The following GSE1 variants were observed in gnomAD, a reference collection of about 807,000 sequenced individuals.
The protein encoded by GSE1 is Gse1 coiled-coil protein.
GSE1 carries 32 observed loss-of-function variants against 112.6 expected under a neutral mutation model. That is an observed-to-expected ratio of 0.28 (90% confidence interval 0.21 to 0.38). The LOEUF (loss-of-function observed/expected upper bound fraction) is 0.38, where lower values mean the gene tolerates loss of function less well. GSE1 is among the 10% of genes least tolerant of loss of function. The probability of loss-of-function intolerance (pLI) is 1.00; values close to 1 mark genes in which losing one functional copy is unlikely to be tolerated. For missense variants in GSE1, 2,348 were observed against 1,699.2 expected (o/e 1.38, Z -6.71); for synonymous variants, 1,115 against 735.6 (o/e 1.52, Z -8.35).
At chr16:85,509,143 C>A (rs796528798) in intron 2 of GSE1, among the ~76,000 whole-genome samples, 1 of 152,132 alleles carries the variant, frequency 6.6e-6, no homozygotes, top group Non-Finnish European at 1.5e-5. Flanking sequence ...CCGGGCAGAG[C>A]GGGGTTATCG....
intron 1 of GSE1, among the ~76,000 whole-genome samples, chr16:85,213,968 GAAA>G (rs1449879517): frequency 6.6e-6 from 1 of 152,216 alleles, no homozygotes; most frequent in Non-Finnish European, 1.5e-5. Context: ...ATGAGACAGA[GAAA>G]AAGAGAGAGG....
intron 2 of GSE1, among the ~76,000 whole-genome samples, chr16:85,525,731 C>T (rs148821213): frequency 5.9e-4 from 90 of 152,322 alleles, no homozygotes; most frequent in African/African-American, 2.1e-3. Context: ...GGCTCAAATC[C>T]TATCTCCACA....
intron 1 of GSE1, among the ~76,000 whole-genome samples, chr16:85,584,915 C>T (rs1384357650): frequency 6.6e-6 from 1 of 152,044 alleles, no homozygotes; most frequent in Non-Finnish European, 1.5e-5. Flanking sequence ...CCAGCCCCAT[C>T]CACAACCTCC....
intron 2 of GSE1, among the ~76,000 whole-genome samples, chr16:85,400,553 T>C (rs58499086): frequency 0.38 from 57,795 of 151,278 alleles, 11,505 homozygotes; most frequent in East Asian, 0.63. Context: ...TGTGTGTGTG[T>C]TGCGTGTGGT....
chr16:85,348,947 A>AC (rs2046798246), intron 1 of GSE1, among the ~76,000 whole-genome samples: 4 of 150,788 alleles, frequency 2.7e-5, no homozygotes, highest in Admixed American at 1.3e-4. Context: ...GAGACAGCCA[A>AC]CCCCCACCGC....
Position 85,495,007 on chromosome 16 carries a change from G to A in GSE1, c.2464+137364G>A, listed in dbSNP as rs555607937. On this transcript the variant is annotated intron_variant, in intron 2 of 2. Transcript: ENST00000637419. ...CCACTGGGCACAGGGGCAGAGCCCT[G>A]CTGGGTCCGGCCCGGCCCAGGAGTT... Among the ~76,000 whole-genome samples, 339 of 152,300 alleles carry A rather than the reference G, an allele frequency of 2.2e-3. 1 individual carries two copies. The highest frequency in any genetic ancestry group is 7.6e-3 in the African/African-American group (316 of 41,572).
intron 1 of GSE1, among the ~76,000 whole-genome samples, chr16:85,315,157 A>C (rs1224621055): frequency 1.4e-5 from 2 of 143,458 alleles, no homozygotes; most frequent in African/African-American, 5.0e-5. Flanking sequence ...TTCTGAGGGC[A>C]CCACCGCAGG....
At chr16:85,590,474 C>T (rs1292267667) in intron 1 of GSE1, among the ~76,000 whole-genome samples, 2 of 135,676 alleles carry the variant, frequency 1.5e-5, no homozygotes, top group African/African-American at 5.7e-5. Flanking sequence ...TGTGTGACAT[C>T]TTGTGCATGT....
At chr16:85,338,065 G>A (rs2046543353) in intron 1 of GSE1, among the ~76,000 whole-genome samples, 1 of 152,198 alleles carries the variant, frequency 6.6e-6, no homozygotes, top group Non-Finnish European at 1.5e-5. Flanking sequence ...CCCTGTGCTG[G>A]ACCTGTGGGT....
At chr16:85,389,478 A>AG (rs2047785591) in intron 2 of GSE1, among the ~76,000 whole-genome samples, 1 of 151,730 alleles carries the variant, frequency 6.6e-6, no homozygotes, top group East Asian at 1.9e-4. Flanking sequence ...AAAAAAAAAA[A>AG]AAAGTGGCTG....
chr16:85,567,733 G>A lies in GSE1; in HGVS notation c.37+11370G>A, dbSNP rs561236060. On this transcript the variant is annotated intron_variant, in intron 1 of 2. Transcript: ENST00000635906. Reference sequence around the variant, plus strand: ...GGGGAGTTAGGCTTCATCTCTTTTTGTTTGTTTGAGACAGGGTCTCGCTCT... The same window carrying A: ...GGGGAGTTAGGCTTCATCTCTTTTTATTTGTTTGAGACAGGGTCTCGCTCT... Among the ~76,000 whole-genome samples the A allele has an allele frequency of 1.4e-4, 22 of 152,252 alleles. No homozygotes were observed. The East Asian group carries it at 4.3e-3, about 29-fold the overall frequency.
chr16:85,558,134 A>G (rs958014244), intron 1 of GSE1, among the ~76,000 whole-genome samples: 5 of 152,146 alleles, frequency 3.3e-5, no homozygotes, highest in African/African-American at 7.2e-5. Flanking sequence ...ACTCAGAGCT[A>G]TCTCTCCCAT....
chr16:85,638,264 A>C lies in GSE1; in HGVS notation c.226+4132A>C, dbSNP rs924827406. On this transcript the variant is annotated intron_variant, in intron 2 of 15. Coordinates refer to ENST00000253458, the MANE Select transcript of GSE1 (RefSeq NM_014615.5). ...CCCTGGGAGAAAGGCTGGGAAGGAG[A>C]GGAAGAGGAGGCCCTCGCTGGGATT... Among the ~76,000 whole-genome samples the C allele has an allele frequency of 1.5e-4, 23 of 152,258 alleles. No homozygotes were observed. The East Asian group carries it at 2.3e-3, about 15-fold the overall frequency.
upstream of GSE1, among the ~76,000 whole-genome samples, chr16:85,553,710 T>G (rs1358812113): frequency 6.6e-6 from 1 of 152,090 alleles, no homozygotes; most frequent in Admixed American, 6.5e-5. Context: ...CCAGCTCATT[T>G]AAGAATTTTT....
At chr16:85,639,296 T>C (rs1339454137) in intron 2 of GSE1, among the ~76,000 whole-genome samples, 1 of 152,142 alleles carries the variant, frequency 6.6e-6, no homozygotes, top group East Asian at 1.9e-4. Flanking sequence ...CAGGGACCTG[T>C]CCCCTCCTCG....
At chr16:85,667,628 C>A (rs568619027) in intron 13 of GSE1, among the ~76,000 whole-genome samples, 1 of 152,312 alleles carries the variant, frequency 6.6e-6, no homozygotes, top group South Asian at 2.1e-4. Context: ...GAGGCCAAGG[C>A]GGGCAGATCA....
intron 3 of GSE1, 33 bp from the exon 4 acceptor site, chr16:85,654,245 C>G (rs770457010): frequency 6.4e-7 from 1 of 1,560,964 alleles, no homozygotes; most frequent in Non-Finnish European, 8.7e-7. Flanking sequence ...CTATACCAGG[C>G]TCCTGCCCTG....
At chr16:85,326,410 C>T (rs1186589329) in intron 1 of GSE1, among the ~76,000 whole-genome samples, 1 of 152,200 alleles carries the variant, frequency 6.6e-6, no homozygotes, top group Non-Finnish European at 1.5e-5. Flanking sequence ...GGCCGTGACC[C>T]CACCCAAATC....
At chr16:85,562,363 C>T (rs540693747) in intron 1 of GSE1, among the ~76,000 whole-genome samples, 1 of 152,310 alleles carries the variant, frequency 6.6e-6, no homozygotes, top group Admixed American at 6.5e-5. Flanking sequence ...TTCCCACCCC[C>T]CCTGCCCAAT....
Sources: gnomAD v4.1 joint callset for allele counts (sites outside exome capture counted in the v4.1 genomes callset) on GRCh38, gnomAD v4.1.1 for gene constraint, MANE v1.5 for transcripts, NCBI Gene and HGNC (gene_info 2026-07-23, HGNC 2026-07-21) for gene names.